HS3ST5: variants seen among roughly 807,000 people sequenced by gnomAD.
HS3ST5 encodes heparan sulfate glucosamine 3-O-sulfotransferase 5.
HS3ST5 carries 10 observed loss-of-function variants against 25.4 expected under a neutral mutation model. The ratio of observed to expected loss-of-function variants is 0.39; its 90% confidence interval spans 0.24 to 0.67. The LOEUF (loss-of-function observed/expected upper bound fraction) is 0.67, where lower values mean the gene tolerates loss of function less well. Ranked by LOEUF, HS3ST5 falls within the 30% of genes least tolerant of loss-of-function variation. The pLI, the probability that HS3ST5 is intolerant of heterozygous loss-of-function variation, is 0.44. For missense variants in HS3ST5, 324 were observed against 420.7 expected, an observed-to-expected ratio of 0.77 and a Z score of 2.01; for synonymous variants, 170 against 162.4, an observed-to-expected ratio of 1.05 and a Z score of -0.36.
At chr6:114,078,922 G>A (rs1315267632) in intron 3 of HS3ST5, among the ~76,000 whole-genome samples, 7 of 152,122 alleles carry the variant, frequency 4.6e-5, no homozygotes, top group Non-Finnish European at 1.5e-5. Flanking sequence ...AGATCATTTG[G>A]TTTCCCAAGC....
At chr6:114,067,364 G>GAGGCTC (rs1436757597) in intron 3 of HS3ST5, among the ~76,000 whole-genome samples, 10 of 152,206 alleles carry the variant, frequency 6.6e-5, no homozygotes, top group Admixed American at 2.0e-4. Context: ...AACTGTTTAA[G>GAGGCTC]TTTAGCAGAC....
intron 1 of HS3ST5, among the ~76,000 whole-genome samples, chr6:114,324,992 C>G (rs776089624): frequency 1.3e-5 from 2 of 152,124 alleles, no homozygotes; most frequent in Non-Finnish European, 2.9e-5. Flanking sequence ...CAGTTAGTTC[C>G]AGGCCAATAA....
At chr6:114,251,104 G>A (rs577977849) in intron 1 of HS3ST5, among the ~76,000 whole-genome samples, 1 of 152,280 alleles carries the variant, frequency 6.6e-6, no homozygotes, top group African/African-American at 2.4e-5. Context: ...CATGGGAAAA[G>A]CCAATACAGA....
At chr6:114,289,879 C>T (rs1003420352) in intron 1 of HS3ST5, among the ~76,000 whole-genome samples, 8 of 151,920 alleles carry the variant, frequency 5.3e-5, no homozygotes, top group African/African-American at 1.9e-4. Context: ...TTTCATTTAC[C>T]ACAGTTTTAA....
At chr6:114,250,454 G>A (rs963515339) in intron 1 of HS3ST5, among the ~76,000 whole-genome samples, 2 of 152,042 alleles carry the variant, frequency 1.3e-5, no homozygotes, top group African/African-American at 2.4e-5. Context: ...GGTGGCAGGC[G>A]CCTGTAGTCC....
intron 3 of HS3ST5, among the ~76,000 whole-genome samples, chr6:114,158,599 T>G (rs1248807600): frequency 6.6e-6 from 1 of 152,194 alleles, no homozygotes; most frequent in Non-Finnish European, 1.5e-5. Context: ...AAAAGTCAGT[T>G]GGCAGAGCTA....
Position 114,114,109 on chromosome 6 carries a change from T to C in HS3ST5, c.-32-51232A>G, listed in dbSNP as rs577967223. Among the ~76,000 whole-genome samples, 7 of 152,270 alleles carry C rather than the reference T, an allele frequency of 4.6e-5. No individual in the cohort carries two copies. The East Asian group carries it at 1.4e-3, about 29-fold the overall frequency. On this transcript the variant is annotated intron_variant, in intron 3 of 4. Transcript: ENST00000312719. ...TTTCTCTGCATTTGTTACACATGCA[T>C]TGCTTTGGTTTCTGAGACTAAAATG...
chr6:114,306,361 T>C (rs1185966551), intron 1 of HS3ST5, among the ~76,000 whole-genome samples: 1 of 149,480 alleles, frequency 6.7e-6, no homozygotes, highest in East Asian at 1.9e-4. Context: ...CTTTATCTCT[T>C]AGTAAAATCA....
intron 1 of HS3ST5, among the ~76,000 whole-genome samples, chr6:114,313,051 AAAAGAT>A (rs1775600636): frequency 1.3e-5 from 2 of 150,410 alleles, no homozygotes; most frequent in Admixed American, 1.3e-4. Flanking sequence ...AAAAAAAAAA[AAAAGAT>A]ACACTAGATA....
intron 3 of HS3ST5, among the ~76,000 whole-genome samples, chr6:114,070,375 C>G (rs1416060848): frequency 6.6e-6 from 1 of 151,394 alleles, no homozygotes; most frequent in African/African-American, 2.4e-5. Flanking sequence ...GGAGAAAATA[C>G]TAATAAGTAA....
intron 3 of HS3ST5, among the ~76,000 whole-genome samples, chr6:114,090,907 A>G (rs1350129183): frequency 1.5e-4 from 23 of 152,352 alleles, no homozygotes; most frequent in Non-Finnish European, 2.1e-4. Context: ...TCAGACTCTC[A>G]CTGTTCTCTG....
At chr6:114,059,257 G>A (rs1405194070) in intron 4 of HS3ST5, 1 of 152,182 alleles carries the variant, frequency 6.6e-6, no homozygotes, top group African/African-American at 2.4e-5. Flanking sequence ...AAGTTGATCT[G>A]TGAGGGCATT....
At chr6:114,234,897 CA>C (rs1451015327) in intron 1 of HS3ST5, among the ~76,000 whole-genome samples, 1 of 152,032 alleles carries the variant, frequency 6.6e-6, no homozygotes, top group East Asian at 1.9e-4. Flanking sequence ...CTGAGGTGGG[CA>C]GATCACCTGA....
chr6:114,176,775 T>G (rs187385962), intron 2 of HS3ST5, among the ~76,000 whole-genome samples: 1 of 152,282 alleles, frequency 6.6e-6, no homozygotes, highest in Admixed American at 6.5e-5. Flanking sequence ...CTAAAAAGCA[T>G]AGAGAAAGGC....
intron 2 of HS3ST5, among the ~76,000 whole-genome samples, chr6:114,201,093 G>A (rs757524629): frequency 2.6e-5 from 4 of 152,134 alleles, no homozygotes; most frequent in Non-Finnish European, 5.9e-5. Flanking sequence ...ACTCATACGT[G>A]CAATTGCTGA....
chr6:114,309,310 A>G (rs1050848368), intron 1 of HS3ST5, among the ~76,000 whole-genome samples: 1 of 152,226 alleles, frequency 6.6e-6, no homozygotes, highest in African/African-American at 2.4e-5. Flanking sequence ...TTAAGCAGTA[A>G]TAGGTAAAAA....
At chr6:114,058,529 A>C (rs1772909541) in intron 4 of HS3ST5, 1 of 201,484 alleles carries the variant, frequency 5.0e-6, no homozygotes, top group African/African-American at 2.3e-5. Context: ...AAAATCATTA[A>C]GAAAAAGTGA....
chr6:114,230,637 A>C (rs1274702219), intron 1 of HS3ST5, among the ~76,000 whole-genome samples: 4 of 142,614 alleles, frequency 2.8e-5, no homozygotes, highest in Non-Finnish European at 6.0e-5. Context: ...CCCAGGCTGG[A>C]GTGCAATGGC....
At chr6:114,310,065 A>G (rs779216989) in intron 1 of HS3ST5, among the ~76,000 whole-genome samples, 1 of 152,222 alleles carries the variant, frequency 6.6e-6, no homozygotes, top group Non-Finnish European at 1.5e-5. Context: ...TCTCTCCAAT[A>G]TATTGTACTG....
Sources: allele counts gnomAD v4.1 joint callset (sites outside exome capture counted in the v4.1 genomes callset), GRCh38; gene constraint gnomAD v4.1.1; transcripts MANE v1.5; gene names NCBI Gene and HGNC (gene_info 2026-07-23, HGNC 2026-07-21).